ADGRD1: variants seen among roughly 807,000 people sequenced by gnomAD.
ADGRD1 encodes adhesion G protein-coupled receptor D1, also known as G-protein coupled receptor 133.
ADGRD1 carries 77 observed loss-of-function variants against 113.4 expected under a neutral mutation model. The ratio of observed to expected loss-of-function variants is 0.68; its 90% CI spans 0.57 to 0.82. The LOEUF (loss-of-function observed/expected upper bound fraction) is 0.82. Among genes scored for constraint, ADGRD1 ranks in the 40% least tolerant of loss-of-function variants. The pLI is 0.00. For missense variants in ADGRD1, 1,036 were observed against 1,139.1 expected, an observed-to-expected ratio of 0.91 and a Z score of 1.30; for synonymous variants, 474 against 475.0, an observed-to-expected ratio of 1.00 and a Z score of 0.03.
At chr12:131,012,385 G>A (rs1054149875) in intron 12 of ADGRD1, among the ~76,000 whole-genome samples, 1 of 151,872 alleles carries the variant, frequency 6.6e-6, no homozygotes, top group Non-Finnish European at 1.5e-5. Flanking sequence ...GAGCAGTCGC[G>A]TCTGTTGTTA....
intron 8 of ADGRD1, among the ~76,000 whole-genome samples, chr12:130,996,919 A>G (rs1474221480): frequency 1.4e-5 from 1 of 72,064 alleles, no homozygotes; most frequent in Non-Finnish European, 2.8e-5. Context: ...CGGGCAGAGG[A>G]GCCCCTCACC....
chr12:131,093,061 A>C (rs1555262409), intron 15 of ADGRD1, among the ~76,000 whole-genome samples: 1 of 150,922 alleles, frequency 6.6e-6, no homozygotes, highest in Non-Finnish European at 1.5e-5. Flanking sequence ...CCTCCTCATC[A>C]CGTTCGCATC....
intron 2 of ADGRD1, among the ~76,000 whole-genome samples, chr12:130,964,745 TATGTACTTAGGCATCTTTGTGG>T (rs1870818006): frequency 6.6e-6 from 1 of 152,344 alleles, no homozygotes; most frequent in East Asian, 1.9e-4. Flanking sequence ...TGAATTTCCA[TATGTACTTAGGCATCTTTGTGG>T]ATTTTTCTCC....
At chr12:130,979,695 G>A (rs1051114374) in intron 4 of ADGRD1, among the ~76,000 whole-genome samples, 6 of 152,268 alleles carry the variant, frequency 3.9e-5, no homozygotes, top group South Asian at 4.1e-4. Context: ...TTCTGGGCAC[G>A]TGTTCTCTCT....
intron 20 of ADGRD1, among the ~76,000 whole-genome samples, chr12:131,127,137 C>A (rs1950756376): frequency 6.6e-6 from 1 of 151,994 alleles, no homozygotes; most frequent in Admixed American, 6.6e-5. Flanking sequence ...AAAGACCCAG[C>A]AAAATCTTTG....
chr12:131,099,234 T>C (rs79528765), intron 15 of ADGRD1, among the ~76,000 whole-genome samples: 6,192 of 152,288 alleles, frequency 0.041, 412 homozygotes, highest in African/African-American at 0.14. Context: ...TGCCCAAGCA[T>C]TGAGGCCTGT....
chr12:130,960,862 G>C (rs1296528966), intron 2 of ADGRD1, among the ~76,000 whole-genome samples: 3 of 152,048 alleles, frequency 2.0e-5, no homozygotes, highest in African/African-American at 7.2e-5. Flanking sequence ...TGGTGGTGGC[G>C]ACGAAGGGGT....
At chr12:131,040,805 G>A (rs1266143856) in intron 13 of ADGRD1, among the ~76,000 whole-genome samples, 1 of 152,268 alleles carries the variant, frequency 6.6e-6, no homozygotes, top group Non-Finnish European at 1.5e-5. Flanking sequence ...CTCTTGGACC[G>A]GAGCCTGCCG....
intron 13 of ADGRD1, among the ~76,000 whole-genome samples, chr12:131,068,658 C>G (rs182188981): frequency 3.4e-4 from 52 of 152,344 alleles, no homozygotes; most frequent in African/African-American, 1.2e-3. Context: ...ATGCTTTCCC[C>G]TTGTTTCTGT....
At chr12:131,044,286 G>C (rs1882445275) in intron 13 of ADGRD1, among the ~76,000 whole-genome samples, 1 of 152,188 alleles carries the variant, frequency 6.6e-6, no homozygotes, top group African/African-American at 2.4e-5. Context: ...CTTGTGTCCT[G>C]TGTGCACAAA....
chr12:131,088,713 C>G (rs971675932), intron 15 of ADGRD1, among the ~76,000 whole-genome samples: 1 of 152,152 alleles, frequency 6.6e-6, no homozygotes, highest in African/African-American at 2.4e-5. Flanking sequence ...GCTGCGGTGA[C>G]TCGAGAAGCG....
Position 130,966,340 on chromosome 12 carries a change from G to C in ADGRD1, c.104-123G>C, listed in dbSNP as rs570027166. The C allele has an allele frequency of 1.6e-6, 1 of 620,144 alleles. No homozygotes were observed. Among genetic ancestry groups the C allele is most frequent in the Non-Finnish European group, 2.9e-6 (1 of 343,852 alleles). The allele number at this position is 620,144 out of a possible 1,614,324, so 38.4% of individuals were successfully genotyped here. A position where few individuals can be genotyped will look rare whatever the true frequency, so the allele number is the denominator to read the frequency against. ...TTGAATTTTATTAAATATGCTTTCA[G>C]TATCTCCCACAGACATGGGATCCTT... On this transcript the variant is annotated intron_variant, in intron 2 of 24. Transcript: ENST00000261654. The surrounding 1 kb of genome is among the most constrained non-coding windows in gnomAD (Gnocchi z 4.6).
At chr12:131,054,526 T>C (rs1372803506) in intron 13 of ADGRD1, among the ~76,000 whole-genome samples, 1 of 152,128 alleles carries the variant, frequency 6.6e-6, no homozygotes, top group Admixed American at 6.5e-5. Context: ...GCCCTAGAAG[T>C]TCCAAGGTTT....
At chr12:131,044,884 C>T (rs1882518563) in intron 13 of ADGRD1, among the ~76,000 whole-genome samples, 1 of 152,246 alleles carries the variant, frequency 6.6e-6, no homozygotes, top group Admixed American at 6.5e-5. Context: ...CGCCTCGCGC[C>T]GTATTCCACC....
At chr12:130,999,958 G>T (rs1342910434) in intron 8 of ADGRD1, among the ~76,000 whole-genome samples, 1 of 152,236 alleles carries the variant, frequency 6.6e-6, no homozygotes, top group Non-Finnish European at 1.5e-5. Context: ...GCTTTCTAGA[G>T]AGGTCATTTT....
In ADGRD1 at chr12:130,954,483, G is replaced by A. The variant is rs1332124723; in HGVS notation, c.18G>A (p.Arg6=). 3 of 1,559,382 alleles carry A rather than the reference G, an allele frequency of 1.9e-6. No individual in the cohort carries two copies. The highest frequency in any genetic ancestry group is 2.6e-6 in the Non-Finnish European group (3 of 1,152,050). The change falls in exon 1 of 25, where the codon CGG becomes CGA. Residue 6 remains arginine, a synonymous_variant. Coordinates refer to ENST00000261654, the MANE Select transcript of ADGRD1 (RefSeq NM_198827.5). The surrounding 1 kb of genome is among the most constrained non-coding windows in gnomAD (Gnocchi z 4.7). ...AGAGAGCCATGGAAAAGCTGCTGCG[G>A]CTGTGCTGCTGGTACTCCTGGCTGC... MEKLL[R]LCCWYSWLLL...
Position 131,075,508 on chromosome 12 carries a change from G to A in ADGRD1, c.1474-1293G>A, listed in dbSNP as rs1029351720. Among the ~76,000 whole-genome samples, 5 of 152,192 alleles carry A rather than the reference G, an allele frequency of 3.3e-5. No homozygotes were observed. Among genetic ancestry groups the A allele is most frequent in the East Asian group, 1.9e-4 (1 of 5,196 alleles). Reference sequence around the variant, plus strand: ...ATGGATTAAAATAACCCTAAGATACGGGGCGGCAGGGGTGGGGGACAAAGC... The same window carrying A: ...ATGGATTAAAATAACCCTAAGATACAGGGCGGCAGGGGTGGGGGACAAAGC... On this transcript the variant is annotated intron_variant, in intron 13 of 24. Coordinates refer to ENST00000261654, the MANE Select transcript of ADGRD1 (RefSeq NM_198827.5). This position sits in a 1 kb window ranked among gnomAD's most constrained non-coding sequence, Gnocchi z 5.3.
At chr12:131,044,978 G>A (rs907618324) in intron 13 of ADGRD1, among the ~76,000 whole-genome samples, 1 of 152,274 alleles carries the variant, frequency 6.6e-6, no homozygotes, top group African/African-American at 2.4e-5. Flanking sequence ...CTTGTTCCTC[G>A]TGCGTGGTGC....
Position 130,991,090 on chromosome 12 carries a change from C to T in ADGRD1, c.810+12C>T. On this transcript the variant is annotated intron_variant, in intron 7 of 24. Coordinates refer to ENST00000261654, the MANE Select transcript of ADGRD1 (RefSeq NM_198827.5). Reference sequence around the variant, plus strand: ...CAGCAAGCCCCGTGGTGAGCAGACACATCTTCCTTGGTCCCCCTTGCTGAT... The same window carrying T: ...CAGCAAGCCCCGTGGTGAGCAGACATATCTTCCTTGGTCCCCCTTGCTGAT... 6.2e-7 allele frequency: 1 copy of T among 1,611,188 alleles called. No homozygotes were observed. The highest frequency in any genetic ancestry group is 1.3e-5 in the African/African-American group (1 of 75,014).
Sources: allele counts gnomAD v4.1 joint callset (sites outside exome capture counted in the v4.1 genomes callset), GRCh38; gene constraint gnomAD v4.1.1; non-coding constraint Gnocchi (gnomAD v3.1); transcripts MANE v1.5; gene names NCBI Gene and HGNC (gene_info 2026-07-23, HGNC 2026-07-21).